LMBR1: variants seen among roughly 807,000 people sequenced by gnomAD.
The protein encoded by LMBR1 is limb region 1 protein homolog.
In LMBR1, 52 loss-of-function variants were observed where a neutral mutation model predicts 73.9. The observed-to-expected ratio is 0.70, with a 90% CI of 0.56 to 0.89. LMBR1 has a LOEUF of 0.89. Among genes scored for constraint, LMBR1 ranks in the 40% least tolerant of loss-of-function variants. The pLI is 0.00. For missense variants in LMBR1, 539 were observed against 579.8 expected (o/e 0.93, Z 0.72); for synonymous variants, 215 against 209.4 (o/e 1.03, Z -0.23).
intron 9 of LMBR1, among the ~76,000 whole-genome samples, chr7:156,750,053 A>G (rs970112589): frequency 6.6e-6 from 1 of 152,208 alleles, no homozygotes; most frequent in African/African-American, 2.4e-5. Context: ...GAAGATGAAA[A>G]TCGTATCTAA....
At chr7:156,785,748 A>T (rs926716241) in intron 5 of LMBR1, among the ~76,000 whole-genome samples, 4 of 152,212 alleles carry the variant, frequency 2.6e-5, no homozygotes, top group African/African-American at 9.6e-5. Context: ...AGGCCAAAGA[A>T]TGCAAAAAAG....
chr7:156,714,954 C>CTT (rs58088822), intron 15 of LMBR1, among the ~76,000 whole-genome samples: 19 of 142,008 alleles, frequency 1.3e-4, no homozygotes, highest in Admixed American at 7.0e-5. Context: ...ATACTTTTTT[C>CTT]TTTTTTTTTT....
At chr7:156,885,293 C>T (rs894307110) in intron 1 of LMBR1, among the ~76,000 whole-genome samples, 3 of 151,228 alleles carry the variant, frequency 2.0e-5, no homozygotes, top group African/African-American at 7.3e-5. Flanking sequence ...GCGGAGGTTG[C>T]AGTGAGCCAG....
At chr7:156,672,463 A>G (rs1033414123) in intron 4 of LMBR1, among the ~76,000 whole-genome samples, 1 of 152,226 alleles carries the variant, frequency 6.6e-6, no homozygotes, top group African/African-American at 2.4e-5. Flanking sequence ...TGTCATCAAT[A>G]GGGCCACTTA....
intron 1 of LMBR1, among the ~76,000 whole-genome samples, chr7:156,881,485 T>C (rs1484289785): frequency 6.6e-6 from 1 of 151,986 alleles, no homozygotes; most frequent in African/African-American, 2.4e-5. Context: ...AATATGTAAG[T>C]GGGAATACAT....
intron 5 of LMBR1, among the ~76,000 whole-genome samples, chr7:156,773,478 C>T (rs2133084160): frequency 6.6e-6 from 1 of 152,250 alleles, no homozygotes; most frequent in Admixed American, 6.5e-5. Flanking sequence ...GAGCATGGTA[C>T]TGGTATAAAA....
intron 16 of LMBR1, among the ~76,000 whole-genome samples, chr7:156,686,636 C>T (rs28376714): frequency 9.7e-4 from 147 of 152,310 alleles, no homozygotes; most frequent in African/African-American, 3.2e-3. Flanking sequence ...AACTGACATG[C>T]ATATAAGGCC....
At chr7:156,675,665 G>A (rs1208018159), downstream of LMBR1, 2 of 1,596,844 alleles carry the variant, frequency 1.3e-6, no homozygotes, top group East Asian at 4.5e-5. Flanking sequence ...GAGCTCAGGT[G>A]TGAGCTTACC....
At chr7:156,798,724 G>A (rs1830446241) in intron 4 of LMBR1, among the ~76,000 whole-genome samples, 1 of 152,022 alleles carries the variant, frequency 6.6e-6, no homozygotes, top group African/African-American at 2.4e-5. Flanking sequence ...GTAGGCTAGA[G>A]AACCATGGTT....
At chr7:156,674,104 C>T (rs545152731), downstream of LMBR1, among the ~76,000 whole-genome samples, 155 of 152,164 alleles carry the variant, frequency 1.0e-3, no homozygotes, top group Non-Finnish European at 2.0e-3. Context: ...ACTGCTGAAT[C>T]GGCACTTCTC....
chr7:156,728,085 C>T (rs1040033349), intron 11 of LMBR1, 78 bp from the exon 12 acceptor site: 2 of 1,127,332 alleles, frequency 1.8e-6, no homozygotes, highest in Non-Finnish European at 2.6e-6. Flanking sequence ...TAACCAAATA[C>T]ACGTTTCAGA....
chr7:156,706,302 G>GCT (rs2132122128), intron 15 of LMBR1, among the ~76,000 whole-genome samples: 1 of 152,072 alleles, frequency 6.6e-6, no homozygotes, highest in South Asian at 2.1e-4. Context: ...AAAGAAAGAG[G>GCT]CAGACAGCAA....
intron 3 of LMBR1, among the ~76,000 whole-genome samples, chr7:156,830,234 TTTTTA>T (rs1836439196): frequency 6.6e-6 from 1 of 152,336 alleles, no homozygotes; most frequent in Middle Eastern, 3.4e-3. Flanking sequence ...AAATAAATGC[TTTTTA>T]TTTATTTGTA....
chr7:156,710,960 A>C (rs1457454925), intron 15 of LMBR1, among the ~76,000 whole-genome samples: 1 of 152,220 alleles, frequency 6.6e-6, no homozygotes, highest in Non-Finnish European at 1.5e-5. Context: ...AGAAATATCT[A>C]GGAGAATATT....
In LMBR1 at chr7:156,796,279, G is replaced by C. The variant is rs190964504; in HGVS notation, c.423+110C>G. 2.0e-4 allele frequency: 133 copies of C among 666,686 alleles called. 2 individuals carry two copies. In the South Asian group the frequency reaches 2.2e-3, roughly 11 times the overall value. The allele number at this position is 666,686 out of a possible 1,614,324, so 41.3% of individuals were successfully genotyped here. The stretch of plus-strand genomic sequence containing the variant: ...ATGTGTTATCAATATTATTTACTAC[G>C]CATTTTTTATATTCCATTTAAATAA... On this transcript the variant is annotated intron_variant, in intron 5 of 16. Coordinates refer to ENST00000353442, the MANE Select transcript of LMBR1 (RefSeq NM_022458.4).
downstream of LMBR1, chr7:156,675,983 G>A (rs990892192): frequency 5.8e-5 from 62 of 1,071,614 alleles, no homozygotes; most frequent in Admixed American, 1.0e-4. Flanking sequence ...TGTCAGGCCC[G>A]GGGTGCAGCC....
intron 1 of LMBR1, among the ~76,000 whole-genome samples, chr7:156,884,039 T>C (rs1312196760): frequency 1.3e-5 from 2 of 152,212 alleles, no homozygotes; most frequent in Non-Finnish European, 2.9e-5. Context: ...CAAATACAAA[T>C]GAAACCTCTA....
chr7:156,724,027 T>G lies in LMBR1; in HGVS notation c.1225+85A>C, dbSNP rs1333042855. ...GAAACACTGTATTTCAAAGGTAATC[T>G]TTATGAGTAAATGTTAAATAAGTTC... On this transcript the variant is annotated intron_variant, in intron 15 of 16. Transcript: ENST00000353442. 13 of 939,204 alleles carry G rather than the reference T, an allele frequency of 1.4e-5. No homozygotes were observed. In the Admixed American group the frequency reaches 2.9e-4, roughly 21 times the overall value. 58.2% of individuals were successfully genotyped at this position (939,204 alleles called of 1,614,324 possible).
downstream of LMBR1, among the ~76,000 whole-genome samples, chr7:156,673,060 G>C (rs1802937388): frequency 6.6e-6 from 1 of 152,166 alleles, no homozygotes; most frequent in African/African-American, 2.4e-5. Flanking sequence ...TGCGGGGTCT[G>C]GGCCCCACCT....
Sources: gnomAD v4.1 joint callset for allele counts (sites outside exome capture counted in the v4.1 genomes callset) on GRCh38, gnomAD v4.1.1 for gene constraint, MANE v1.5 for transcripts, NCBI Gene and HGNC (gene_info 2026-07-23, HGNC 2026-07-21) for gene names.